The following SLC12A5 variants were observed in gnomAD, a reference collection of about 807,000 sequenced individuals.
SLC12A5 encodes the protein K-Cl cotransporter 2.
SLC12A5 carries 18 observed loss-of-function variants against 124.0 expected under a neutral mutation model. That is an observed-to-expected ratio of 0.15 (90% confidence interval 0.10 to 0.22). The LOEUF (loss-of-function observed/expected upper bound fraction) is 0.22, where lower values mean the gene tolerates loss of function less well. Among genes scored for constraint, SLC12A5 ranks in the 10% least tolerant of loss-of-function variants. The pLI, the probability that SLC12A5 is intolerant of heterozygous loss-of-function variation, is 1.00. For missense variants in SLC12A5, 867 were observed against 1,478.7 expected, an observed-to-expected ratio of 0.59 and a Z score of 6.78; for synonymous variants, 589 against 568.0, an observed-to-expected ratio of 1.04 and a Z score of -0.53.
intron 1 of SLC12A5, among the ~76,000 whole-genome samples, chr20:46,029,913 TGTGC>T (rs150737484): frequency 7.0e-5 from 3 of 42,934 alleles, no homozygotes; most frequent in African/African-American, 1.2e-4. Context: ...TATGTGTGTG[TGTGC>T]GTGTGTGTGT....
chr20:46,054,225 G>C (rs561541103), intron 20 of SLC12A5, among the ~76,000 whole-genome samples: 2 of 151,926 alleles, frequency 1.3e-5, no homozygotes, highest in Admixed American at 1.3e-4. Context: ...AACACAGTGG[G>C]AAGTATTTGT....
upstream of SLC12A5, among the ~76,000 whole-genome samples, chr20:46,028,838 C>A (rs1258389926): frequency 6.6e-6 from 1 of 152,206 alleles, no homozygotes; most frequent in Admixed American, 6.5e-5. Context: ...TGCGGGGCCG[C>A]CTCCCCGCGG....
At chr20:46,024,182 AG>A (rs2084378319), downstream of SLC12A5, among the ~76,000 whole-genome samples, 1 of 145,908 alleles carries the variant, frequency 6.9e-6, no homozygotes, top group Non-Finnish European at 1.5e-5. Flanking sequence ...TTGTGGGAGG[AG>A]CATCCCCCAT....
chr20:46,038,374 A>G (rs556141519), intron 6 of SLC12A5: 2 of 151,864 alleles, frequency 1.3e-5, no homozygotes, highest in African/African-American at 4.8e-5. Flanking sequence ...TTTTTTGTAG[A>G]TAGGGGTCTC....
chr20:46,034,448 T>G (rs574039697), intron 1 of SLC12A5, among the ~76,000 whole-genome samples: 2 of 152,328 alleles, frequency 1.3e-5, no homozygotes, highest in South Asian at 4.1e-4. Context: ...CTTACCCTGC[T>G]TCCCCCATGC....
rs2084631311 is a variant in SLC12A5, at chr20:46,049,715, G to A, written c.2106G>A (p.Lys702=). 6.2e-7 allele frequency: 1 copy of A among 1,604,838 alleles called. No homozygotes were observed. The highest frequency in any genetic ancestry group is 1.7e-5 in the Admixed American group (1 of 58,298). ...TGACCTCCCAGCTGAAGGCGGGGAA[G>A]GGCCTGACCATCGTGGGCTCTGTCC... ...LSLTSQLKAG[K]GLTIVGSVLE... is the part of the protein sequence containing the mutation. The change falls in exon 17 of 26, where the codon AAG becomes AAA. Residue 702 remains lysine, a synonymous_variant. Coordinates refer to ENST00000243964, the MANE Select transcript of SLC12A5 (RefSeq NM_020708.5).
At chr20:46,034,924 T>C (rs1568858491) in intron 1 of SLC12A5, 24 bp from the exon 2 acceptor site, 4 of 1,611,170 alleles carry the variant, frequency 2.5e-6, no homozygotes, top group African/African-American at 2.7e-5. Context: ...TGGTTCCAGA[T>C]CCCTGACCCC....
upstream of SLC12A5, chr20:46,029,087 C>T: frequency 1.5e-6 from 2 of 1,317,734 alleles, no homozygotes; most frequent in Middle Eastern, 2.8e-4. Flanking sequence ...GCTCTCCCCC[C>T]AAAACCCCGC....
At chr20:46,025,517 C>A (rs1327932731), upstream of SLC12A5, among the ~76,000 whole-genome samples, 2 of 152,106 alleles carry the variant, frequency 1.3e-5, no homozygotes, top group Non-Finnish European at 2.9e-5. Context: ...CCAGAGCGAT[C>A]TTTAGGCCTC....
chr20:46,026,619 G>T (rs980082699), upstream of SLC12A5, among the ~76,000 whole-genome samples: 7 of 152,224 alleles, frequency 4.6e-5, no homozygotes, highest in African/African-American at 1.7e-4. Context: ...ATGTGGCTTT[G>T]GTCTGAGATT....
chr20:46,057,641 G>T lies in SLC12A5; in HGVS notation c.*36G>T. On this transcript the variant is annotated 3_prime_UTR_variant, in exon 26 of 26. Coordinates refer to ENST00000243964, the MANE Select transcript of SLC12A5 (RefSeq NM_020708.5). The surrounding 1 kb of genome is among the most constrained non-coding windows in gnomAD (Gnocchi z 7.1). ...CTGCCACCCGGGCCCGAGCGCGCCC[G>T]GCCCGCGGCTCCGGAGCCCTCGCCG... is the stretch of plus-strand genomic sequence containing the variant. 6.4e-7 allele frequency: 1 copy of T among 1,555,454 alleles called. No individual in the cohort carries two copies. Among genetic ancestry groups the T allele is most frequent in the Non-Finnish European group, 8.8e-7 (1 of 1,137,614 alleles).
chr20:46,046,532 C>T (rs925066091), intron 14 of SLC12A5, 96 bp downstream of exon 14: 2 of 1,076,706 alleles, frequency 1.9e-6, no homozygotes, highest in Admixed American at 2.1e-5. Context: ...GTCTAAGGAC[C>T]CCAAACCTGA....
intron 1 of SLC12A5, among the ~76,000 whole-genome samples, chr20:46,030,892 A>G (rs903021138): frequency 1.4e-5 from 2 of 144,924 alleles, no homozygotes; most frequent in Admixed American, 7.0e-5. Context: ...TGGCCCTCTC[A>G]TCCACCTCCC....
intron 2 of SLC12A5, 127 bp downstream of exon 2, chr20:46,035,169 T>C: frequency 9.2e-7 from 1 of 1,091,112 alleles, no homozygotes. Flanking sequence ...ACCTTCTTCC[T>C]TGAGCCTCCC....
chr20:46,035,366 TC>T, intron 2 of SLC12A5, 37 bp from the exon 3 acceptor site: 1 of 1,587,626 alleles, frequency 6.3e-7, no homozygotes, highest in Non-Finnish European at 8.6e-7. Flanking sequence ...CTCCACTTGC[TC>T]CCCCAGCCTC....
At chr20:46,030,112 C>T (rs2084435667) in intron 1 of SLC12A5, among the ~76,000 whole-genome samples, 1 of 152,104 alleles carries the variant, frequency 6.6e-6, no homozygotes, top group Non-Finnish European at 1.5e-5. Context: ...TTTGCAGAAT[C>T]TCTCTCTCGC....
intron 4 of SLC12A5, chr20:46,036,253 A>C (rs942022566): frequency 2.1e-5 from 6 of 283,872 alleles, no homozygotes; most frequent in African/African-American, 1.1e-4. Context: ...AGACTCACAA[A>C]AATGAGATTA....
rs2084423290 is a variant in SLC12A5 at position 46,029,251 on chromosome 20, C to G, written c.-94C>G. 1.0e-5 allele frequency: 15 copies of G among 1,470,846 alleles called. No individual in the cohort carries two copies. Among genetic ancestry groups the G allele is most frequent in the Non-Finnish European group, 1.4e-5 (15 of 1,110,450 alleles). 91.1% of individuals were successfully genotyped at this position (1,470,846 alleles called of 1,614,324 possible). On this transcript the variant is annotated 5_prime_UTR_variant, in exon 1 of 26. Transcript: ENST00000243964. ...TTCCTCCGTGGAGCGGAGAGCGAGA[C>G]AGAGCTACAGCGAACGAGAGAGCGG... is the stretch of plus-strand genomic sequence containing the variant.
chr20:46,040,627 G>T lies in SLC12A5; in HGVS notation c.854+13G>T, dbSNP rs1255876258. 7 of 1,612,414 alleles carry T rather than the reference G, an allele frequency of 4.3e-6. No individual in the cohort carries two copies. In the African/African-American group the frequency reaches 9.3e-5, roughly 22 times the overall value. ...CACCCAACTTCCCGTGAGTGCTGCT[G>T]CTCTGAGCCCAAGGAATCGTCCTCC... On this transcript the variant is annotated intron_variant, in intron 7 of 25. Transcript: ENST00000243964.
Sources: allele counts gnomAD v4.1 joint callset (sites outside exome capture counted in the v4.1 genomes callset), GRCh38; gene constraint gnomAD v4.1.1; non-coding constraint Gnocchi (gnomAD v3.1); transcripts MANE v1.5; gene names NCBI Gene and HGNC (gene_info 2026-07-23, HGNC 2026-07-21).